Variants in DNAH5 observed in about 807,000 individuals in gnomAD.
DNAH5 encodes dynein axonemal heavy chain 5, also known as axonemal beta dynein heavy chain 5.
A neutral mutation model predicts 518.2 loss-of-function variants in DNAH5; 372 were observed. The observed-to-expected ratio is 0.72, with a 90% confidence interval of 0.66 to 0.78. The LOEUF (loss-of-function observed/expected upper bound fraction) is 0.78. Among genes scored for constraint, DNAH5 ranks in the 30% least tolerant of loss-of-function variants. The probability of loss-of-function intolerance (pLI) is 0.00; values close to 1 mark genes in which losing one functional copy is unlikely to be tolerated. For missense variants in DNAH5, 5,523 were observed against 5,687.0 expected, an observed-to-expected ratio of 0.97 and a Z score of 0.93; for synonymous variants, 2,039 against 2,025.9, an observed-to-expected ratio of 1.01 and a Z score of -0.17.
chr5:13,711,010 C>T (rs1324856719), intron 75 of DNAH5, among the ~76,000 whole-genome samples: 6 of 152,186 alleles, frequency 3.9e-5, no homozygotes, highest in African/African-American at 1.4e-4. Flanking sequence ...CTCCTTAATT[C>T]ATTCTATGAA....
At chr5:13,755,196 C>G (rs951877007) in intron 61 of DNAH5, among the ~76,000 whole-genome samples, 1 of 152,038 alleles carries the variant, frequency 6.6e-6, no homozygotes, top group African/African-American at 2.4e-5. Flanking sequence ...TTGTAAAAAT[C>G]TAAACTTATG....
In DNAH5 at chr5:13,900,343, C is replaced by A. The variant is rs779509527; in HGVS notation, c.2122G>T (p.Val708Leu). 1.7e-5 allele frequency: 27 copies of A among 1,614,060 alleles called. No individual in the cohort carries two copies. The highest frequency in any genetic ancestry group is 2.1e-5 in the Non-Finnish European group (25 of 1,180,030). ...ATTAATATCTGAGGGTCAAAGTTTA[C>A]AAACAATTCCCCTGTGCCTGGAGCC... ...VKAPGTGELF[V>L]NFDPQILILF... The change falls in exon 15 of 79, where the codon GTA (valine) becomes TTA (leucine). Residue 708 changes from valine to leucine, a missense_variant. Coordinates refer to ENST00000265104, the MANE Select transcript of DNAH5 (RefSeq NM_001369.3).
Position 13,885,504 on chromosome 5 carries a change from G to T in DNAH5, c.2744-276C>A, listed in dbSNP as rs10462711. ...AGGAGCTATGGCTGGAAAAGCTACA[G>T]TGGCCCCCAAGGACCTGGGTTCTGG... On this transcript the variant is annotated intron_variant, in intron 18 of 78. Coordinates refer to ENST00000265104, the MANE Select transcript of DNAH5 (RefSeq NM_001369.3). Among the ~76,000 whole-genome samples the T allele has an allele frequency of 2.0e-5, 3 of 152,156 alleles. No homozygotes were observed. The South Asian group carries it at 6.2e-4, about 32-fold the overall frequency.
At chr5:13,816,888 C>A (rs1761522875) in intron 42 of DNAH5, among the ~76,000 whole-genome samples, 1 of 152,166 alleles carries the variant, frequency 6.6e-6, no homozygotes. Flanking sequence ...TTCACTCTGC[C>A]TTTGCCTGCT....
At position 13,841,030 on chromosome 5, in the gene DNAH5, G is replaced by A. The variant is rs1256145306; in HGVS notation, c.5585C>T (p.Ala1862Val). 1.6e-5 allele frequency: 26 copies of A among 1,614,022 alleles called. No homozygotes were observed. Among genetic ancestry groups the A allele is most frequent in the Middle Eastern group, 3.3e-4 (2 of 6,084 alleles). Residue 1862 changes from alanine (A) to valine (V), a missense_variant, in exon 34 of 79, where the codon GCT becomes GTT. Coordinates refer to ENST00000265104, the MANE Select transcript of DNAH5 (RefSeq NM_001369.3). ...CAATGTATTGAGTAGCTCCAGGAAA[G>A]CCTGATTAGTTTTCTGCATGATTTT... ...DKKIMQKTNQ[A>V]FLELLNTLID...
chr5:13,795,428 A>G (rs1757674064), intron 47 of DNAH5, among the ~76,000 whole-genome samples: 1 of 152,314 alleles, frequency 6.6e-6, no homozygotes, highest in East Asian at 1.9e-4. Context: ...ACACCTCTAC[A>G]CAAATAAACT....
chr5:13,994,482 G>A (rs1249091661), intron 1 of DNAH5, among the ~76,000 whole-genome samples: 1 of 152,160 alleles, frequency 6.6e-6, no homozygotes, highest in Non-Finnish European at 1.5e-5. Context: ...TGACCATGAA[G>A]AACAAAGAGT....
intron 15 of DNAH5, 105 bp downstream of exon 15, chr5:13,900,101 C>A: frequency 9.3e-7 from 1 of 1,070,332 alleles, no homozygotes; most frequent in Non-Finnish European, 1.4e-6. Context: ...TCACTCCATT[C>A]ATCCTGGCCA....
At chr5:13,931,786 T>C (rs1478308395) in intron 1 of DNAH5, among the ~76,000 whole-genome samples, 1 of 152,222 alleles carries the variant, frequency 6.6e-6, no homozygotes, top group African/African-American at 2.4e-5. Context: ...TTGAAGCATG[T>C]CTTTCCTTAT....
chr5:13,766,137 G>A lies in DNAH5; in HGVS notation c.9940C>T (p.Arg3314Cys), dbSNP rs755923477. 5.0e-6 allele frequency: 8 copies of A among 1,614,174 alleles called. No individual in the cohort carries two copies. The highest frequency in any genetic ancestry group is 6.8e-6 in the Non-Finnish European group (8 of 1,180,018). ...SDIATVRTLG[R>C]PPHLIMRIMD... ...ATCCGCATGATGAGGTGAGGGGGGC[G>A]GCCCAACGTGCGAACAGTGGCGATG... is the stretch of plus-strand genomic sequence containing the variant. Residue 3314 changes from arginine to cysteine, a missense_variant, in exon 59 of 79, where the codon CGC (arginine) becomes TGC (cysteine). Arg to Cys is a radical substitution (Grantham distance 180). Transcript: ENST00000265104.
intron 1 of DNAH5, among the ~76,000 whole-genome samples, chr5:13,993,991 G>A (rs1258047209): frequency 6.6e-6 from 1 of 152,222 alleles, no homozygotes; most frequent in African/African-American, 2.4e-5. Flanking sequence ...TCAGAGGTCG[G>A]AAGGAGGAAG....
intron 1 of DNAH5, among the ~76,000 whole-genome samples, chr5:13,958,247 T>A (rs1356006986): frequency 6.6e-6 from 1 of 152,086 alleles, no homozygotes; most frequent in Non-Finnish European, 1.5e-5. Flanking sequence ...CTCTCCAAAA[T>A]TATACTCTTT....
chr5:13,737,171 T>A, intron 66 of DNAH5, 81 bp downstream of exon 66: 1 of 1,587,128 alleles, frequency 6.3e-7, no homozygotes, highest in Non-Finnish European at 8.6e-7. Context: ...TATAACTCCC[T>A]CACATCCTTC....
chr5:13,768,841 C>T (rs1752887034), intron 58 of DNAH5, 119 bp downstream of exon 58: 6 of 1,175,504 alleles, frequency 5.1e-6, no homozygotes, highest in African/African-American at 1.5e-5. Flanking sequence ...TGAAATCACT[C>T]AAGTGGATAG....
intron 1 of DNAH5, among the ~76,000 whole-genome samples, chr5:13,980,304 C>A (rs1386364170): frequency 6.6e-6 from 1 of 152,134 alleles, no homozygotes; most frequent in Admixed American, 6.6e-5. Flanking sequence ...TCTAACCCCC[C>A]AGGTGACACC....
Position 13,913,869 on chromosome 5 carries a change from A to G in DNAH5, c.1410T>C (p.Phe470=). 6.2e-7 allele frequency: 1 copy of G among 1,613,730 alleles called. No individual in the cohort carries two copies. Among genetic ancestry groups the G allele is most frequent in the Non-Finnish European group, 8.5e-7 (1 of 1,179,664 alleles). ...KQFDFSEMYI[F]GKFETFHRRL... ...GTCGGTGAAAAGTTTCGAATTTTCCAAAAATATACATCTCGCTAAAATCAA... is the reference window on the plus strand; with the variant it reads ...GTCGGTGAAAAGTTTCGAATTTTCCGAAAATATACATCTCGCTAAAATCAA... Residue 470 remains phenylalanine, a synonymous_variant, in exon 11 of 79, where the codon TTT becomes TTC. Transcript: ENST00000265104.
intron 22 of DNAH5, among the ~76,000 whole-genome samples, chr5:13,873,831 T>C (rs139936578): frequency 1.5e-3 from 232 of 152,258 alleles, no homozygotes; most frequent in African/African-American, 5.2e-3. Flanking sequence ...TCTAATTCCT[T>C]TGTGAATCAA....
chr5:13,723,369 T>C (rs1219526306), intron 70 of DNAH5, among the ~76,000 whole-genome samples: 1 of 152,206 alleles, frequency 6.6e-6, no homozygotes, highest in Non-Finnish European at 1.5e-5. Context: ...TGCAGCTGTT[T>C]CTCAGCCACA....
At chr5:13,859,990 G>T (rs948472970) in intron 29 of DNAH5, among the ~76,000 whole-genome samples, 1 of 152,058 alleles carries the variant, frequency 6.6e-6, no homozygotes, top group Non-Finnish European at 1.5e-5. Flanking sequence ...ATATAATATG[G>T]AGCTTTTATA....
Sources: allele counts gnomAD v4.1 joint callset (sites outside exome capture counted in the v4.1 genomes callset), GRCh38; gene constraint gnomAD v4.1.1; transcripts MANE v1.5; gene names NCBI Gene and HGNC (gene_info 2026-07-23, HGNC 2026-07-21).